ACOT6: variants seen among roughly 807,000 people sequenced by gnomAD.
ACOT6 encodes acyl-CoA thioesterase 6.
In ACOT6, 14 loss-of-function variants were observed where a neutral mutation model predicts 12.3. The ratio of observed to expected loss-of-function variants is 1.14; its 90% CI spans 0.75 to 1.78. The LOEUF is 1.78. Among genes scored for constraint, ACOT6 ranks in the 40% most tolerant of loss-of-function variants. ACOT6 has a pLI of 0.00. For missense variants in ACOT6, 523 were observed against 551.8 expected (o/e 0.95, Z 0.52); for synonymous variants, 218 against 231.3 (o/e 0.94, Z 0.52).
At chr14:73,613,181 A>G in intron 1 of ACOT6, 149 bp downstream of exon 1, 1 of 459,066 alleles carries the variant, frequency 2.2e-6, no homozygotes, top group South Asian at 4.8e-5. Flanking sequence ...GCTGTTGCCC[A>G]GGCTGGAGTG....
chr14:73,612,702 C>T lies in ACOT6; in HGVS notation c.131C>T (p.Ala44Val). The T allele has an allele frequency of 1.4e-6, 2 of 1,399,630 alleles. No homozygotes were observed. Among genetic ancestry groups the T allele is most frequent in the Non-Finnish European group, 1.8e-6 (2 of 1,082,632 alleles). The allele number at this position is 1,399,630 out of a possible 1,614,324, so 86.7% of individuals were successfully genotyped here. A position where few individuals can be genotyped will look rare whatever the true frequency, so the allele number is the denominator to read the frequency against. Reference protein sequence around the residue: ...LRTSLRDEEGALFRAHARYRA... With the variant: ...LRTSLRDEEGVLFRAHARYRA... Reference sequence around the variant, plus strand: ...ACGTCCCTGCGCGACGAAGAGGGCGCGCTCTTCCGGGCCCACGCGCGCTAC... The same window carrying T: ...ACGTCCCTGCGCGACGAAGAGGGCGTGCTCTTCCGGGCCCACGCGCGCTAC... The change falls in exon 1 of 3, where the codon GCG becomes GTG. Residue 44 changes from alanine to valine, a missense_variant. Around this residue, in one of 2 missense-constraint regions of ACOT6, gnomAD observed 304 missense variants for 274.8 expected, o/e 1.11. Coordinates refer to ENST00000645972, the MANE Select transcript of ACOT6 (RefSeq NM_001365788.1).
At chr14:73,615,076 A>C (rs531345487) in intron 1 of ACOT6, among the ~76,000 whole-genome samples, 2 of 137,898 alleles carry the variant, frequency 1.5e-5, no homozygotes, top group Non-Finnish European at 3.1e-5. Context: ...AGGACAGAGC[A>C]AGACTCCATC....
In ACOT6 at chr14:73,619,417, G is replaced by C; in HGVS notation, c.844G>C (p.Val282Leu). The change falls in exon 3 of 3, where the codon GTA (valine) becomes CTA (leucine). Residue 282 changes from valine (V) to leucine (L), a missense_variant. By Grantham distance (32) the Val-to-Leu change is conservative (BLOSUM62 1). Coordinates refer to ENST00000645972, the MANE Select transcript of ACOT6 (RefSeq NM_001365788.1). ...TAAACTTGTCGATGATCTAGGAAAA[G>C]TAAAAATCACTAAGTCAGGATTTCT... Reference protein sequence around the residue: ...IPKLVDDLGKVKITKSGFLTF... With the variant: ...IPKLVDDLGKLKITKSGFLTF... 1 of 1,614,138 alleles carries C rather than the reference G, an allele frequency of 6.2e-7. No homozygotes were observed. The highest frequency in any genetic ancestry group is 8.5e-7 in the Non-Finnish European group (1 of 1,180,022).
In ACOT6 at chr14:73,619,563, G is replaced by T; in HGVS notation, c.990G>T (p.Lys330Asn). 1 of 1,614,224 alleles carries T rather than the reference G, an allele frequency of 6.2e-7. No individual in the cohort carries two copies. Among genetic ancestry groups the T allele is most frequent in the Non-Finnish European group, 8.5e-7 (1 of 1,180,032 alleles). The change falls in exon 3 of 3, where the codon AAG (lysine) becomes AAT (asparagine). Residue 330 changes from lysine (K) to asparagine (N), a missense_variant. By Grantham distance (94) the Lys-to-Asn change is moderately conservative (BLOSUM62 0). Around this residue, in one of 2 missense-constraint regions of ACOT6, gnomAD observed 219 missense variants for 277.0 expected, o/e 0.79. Transcript: ENST00000645972. ...TTGGCATGGATGATCAAAGCTGGAA[G>T]AGTGAATTCTATGCTCAGATAGCCT... is the stretch of plus-strand genomic sequence containing the variant. ...FIVGMDDQSW[K>N]SEFYAQIASE...
At chr14:73,615,414 AC>A (rs376245474) in intron 1 of ACOT6, among the ~76,000 whole-genome samples, 2,503 of 74,228 alleles carry the variant, frequency 0.034, 467 homozygotes, top group African/African-American at 0.068. Context: ...AAAACAAAAA[AC>A]AAAAAAAACC....
intron 2 of ACOT6, among the ~76,000 whole-genome samples, chr14:73,617,821 C>T (rs765549660): frequency 1.3e-5 from 2 of 152,004 alleles, no homozygotes; most frequent in Admixed American, 6.6e-5. Context: ...TAAAGAAAGT[C>T]CTTATCTGAT....
At chr14:73,615,425 C>A (rs558030009) in intron 1 of ACOT6, among the ~76,000 whole-genome samples, 64 of 122,434 alleles carry the variant, frequency 5.2e-4, no homozygotes, top group African/African-American at 1.2e-3. Flanking sequence ...CAAAAAAAAC[C>A]AGCAACAACG....
intron 2 of ACOT6, among the ~76,000 whole-genome samples, chr14:73,618,991 G>T (rs570556824): frequency 6.6e-6 from 1 of 151,922 alleles, no homozygotes; most frequent in African/African-American, 2.4e-5. Context: ...TTAGCCGGGC[G>T]TGGTGGTGGG....
chr14:73,612,274 A>G (rs530253192), upstream of ACOT6, among the ~76,000 whole-genome samples: 7 of 152,260 alleles, frequency 4.6e-5, no homozygotes, highest in African/African-American at 1.7e-4. Context: ...TCCTAACCTC[A>G]GGTGTGATCC....
chr14:73,612,994 G>C lies in ACOT6; in HGVS notation c.423G>C (p.Ala141=), dbSNP rs569040236. 30 of 1,039,716 alleles carry C rather than the reference G, an allele frequency of 2.9e-5. No homozygotes were observed. The South Asian group carries it at 4.0e-4, about 14-fold the overall frequency. 64.4% of individuals were successfully genotyped at this position (1,039,716 alleles called of 1,614,324 possible). The change falls in exon 1 of 3, where the codon GCG becomes GCC. Residue 141 remains alanine, a synonymous_variant. Transcript: ENST00000645972. ...GGGTGCGGCGCGAGCCGGTGCGCGC[G>C]GGCCCGGTGCGCGCCGCGCTCTTCC... ...RPGVRREPVR[A]GPVRAALFLP...
Position 73,614,626 on chromosome 14 carries a change from A to G in ACOT6, c.461+1594A>G, listed in dbSNP as rs1890501645. Among the ~76,000 whole-genome samples the G allele has an allele frequency of 2.0e-5, 3 of 152,132 alleles. No homozygotes were observed. In the South Asian group the frequency reaches 6.2e-4, roughly 32 times the overall value. ...GCCAGGCATAGTGGCTCACACATGT[A>G]GTCCCAGCTACTAGGGAGGCTGAGG... On this transcript the variant is annotated intron_variant, in intron 1 of 2. Transcript: ENST00000645972.
rs1890593184 is a variant in ACOT6, at chr14:73,619,407, T to C, written c.834T>C (p.Asp278=). The C allele has an allele frequency of 6.2e-7, 1 of 1,614,082 alleles. No homozygotes were observed. Among genetic ancestry groups the C allele is most frequent in the African/African-American group, 1.3e-5 (1 of 74,936 alleles). ...KDMIIPKLVD[D]LGKVKITKSG... ...TGATTATTCCTAAACTTGTCGATGA[T>C]CTAGGAAAAGTAAAAATCACTAAGT... The change falls in exon 3 of 3, where the codon GAT becomes GAC. Residue 278 remains aspartate (D), a synonymous_variant. Transcript: ENST00000645972.
chr14:73,613,914 GCA>G (rs1264668064), intron 1 of ACOT6, among the ~76,000 whole-genome samples: 2 of 151,378 alleles, frequency 1.3e-5, no homozygotes, highest in Non-Finnish European at 2.9e-5. Flanking sequence ...GATGAGCCGG[GCA>G]CAGTGGCTCA....
At position 73,619,452 on chromosome 14, in the gene ACOT6, GGA is replaced by G; in HGVS notation, c.880_881del (p.Asp294HisfsTer32). Reference protein sequence around the residue: ...ITKSGFLTFMDTWSNPLEEHN... With the variant: ...ITKSGFLTFMXTWSNPLEEHN... ...CTAAGTCAGGATTTCTCACTTTTAT[GGA>G]CACTTGGAGCAATCCACTGGAGGAA... On this transcript the variant is annotated frameshift_variant, in exon 3 of 3. Transcript: ENST00000645972. LOFTEE classifies it low-confidence loss of function (END_TRUNC). 6.2e-7 allele frequency: 1 copy of G among 1,614,154 alleles called. No individual in the cohort carries two copies. The highest frequency in any genetic ancestry group is 2.2e-5 in the East Asian group (1 of 44,890).
chr14:73,612,789 C>T lies in ACOT6; in HGVS notation c.218C>T (p.Ala73Val). ...GCGCCCGCGCTGGGAGGCAGCTTCG[C>T]GGGGCTCCAGCCCATGGGGCTGCTG... ...ERAPALGGSFAGLQPMGLLWA... is the reference protein window; with the variant it reads ...ERAPALGGSFVGLQPMGLLWA... The change falls in exon 1 of 3, where the codon GCG becomes GTG. Residue 73 changes from alanine (A) to valine (V), a missense_variant. Coordinates refer to ENST00000645972, the MANE Select transcript of ACOT6 (RefSeq NM_001365788.1). 2.2e-6 allele frequency: 3 copies of T among 1,364,872 alleles called. No homozygotes were observed. Among genetic ancestry groups the T allele is most frequent in the Non-Finnish European group, 2.8e-6 (3 of 1,060,078 alleles). The allele number at this position is 1,364,872 out of a possible 1,614,324, so 84.5% of individuals were successfully genotyped here. A position where few individuals can be genotyped will look rare whatever the true frequency, so the allele number is the denominator to read the frequency against.
Position 73,612,586 on chromosome 14 carries a change from G to A in ACOT6, c.15G>A (p.Leu5=). The A allele has an allele frequency of 1.4e-6, 2 of 1,408,134 alleles. No individual in the cohort carries two copies. The highest frequency in any genetic ancestry group is 1.9e-6 in the Non-Finnish European group (2 of 1,073,404). 87.2% of individuals were successfully genotyped at this position (1,408,134 alleles called of 1,614,324 possible). Residue 5 remains leucine (L), a synonymous_variant, in exon 1 of 3, where the codon CTG becomes CTA. Transcript: ENST00000645972. ...CCCAGATTGGGATGGCAGCGACGCT[G>A]ATCCTGGAGCCCGCGGGCCGCTGCT... MAAT[L]ILEPAGRCCW...
At chr14:73,615,655 G>C (rs983953831) in intron 1 of ACOT6, among the ~76,000 whole-genome samples, 1 of 151,610 alleles carries the variant, frequency 6.6e-6, no homozygotes, top group East Asian at 2.0e-4. Context: ...GCTTGAACCC[G>C]GGGGGAGACG....
At position 73,612,583 on chromosome 14, in the gene ACOT6, G is replaced by C. The variant is rs1890461849; in HGVS notation, c.12G>C (p.Thr4=). The C allele has an allele frequency of 2.1e-6, 3 of 1,405,138 alleles. No homozygotes were observed. Among genetic ancestry groups the C allele is most frequent in the Non-Finnish European group, 2.8e-6 (3 of 1,071,570 alleles). The allele number at this position is 1,405,138 out of a possible 1,614,324, so 87.0% of individuals were successfully genotyped here. A position where few individuals can be genotyped will look rare whatever the true frequency, so the allele number is the denominator to read the frequency against. Residue 4 remains threonine, a synonymous_variant, in exon 1 of 3, where the codon ACG becomes ACC. Coordinates refer to ENST00000645972, the MANE Select transcript of ACOT6 (RefSeq NM_001365788.1). ...CTACCCAGATTGGGATGGCAGCGAC[G>C]CTGATCCTGGAGCCCGCGGGCCGCT... MAA[T]LILEPAGRCC... is the part of the protein sequence containing the mutation.
In ACOT6 at chr14:73,616,975, T is replaced by C; in HGVS notation, c.462-19T>C. 1 of 648,064 alleles carries C rather than the reference T, an allele frequency of 1.5e-6. No homozygotes were observed. Among genetic ancestry groups the C allele is most frequent in the South Asian group, 1.9e-5 (1 of 51,988 alleles). 40.1% of individuals were successfully genotyped at this position (648,064 alleles called of 1,614,324 possible). ...TGAGAAACTAAAGCTCCCTGTGATT[T>C]GTGATGTTCTCCAGGCAGGGGGCCC... is the stretch of plus-strand genomic sequence containing the variant. On this transcript the variant is annotated intron_variant, in intron 1 of 2. Transcript: ENST00000645972.
Sources: gnomAD v4.1 joint callset for allele counts (sites outside exome capture counted in the v4.1 genomes callset) on GRCh38, gnomAD v4.1.1 for gene constraint, gnomAD v4.1.1 regional missense constraint, MANE v1.5 for transcripts, NCBI Gene and HGNC (gene_info 2026-07-23, HGNC 2026-07-21) for gene names.